The following F8 variants were observed in gnomAD, a reference collection of about 807,000 sequenced individuals.
F8 encodes coagulation factor VIII, also known as antihemophilic factor.
F8 carries 12 observed loss-of-function variants against 140.6 expected under a neutral mutation model. That is an observed-to-expected ratio of 0.09 (90% confidence interval 0.05 to 0.14). F8 has a LOEUF of 0.14. Among genes scored for constraint, F8 ranks in the 10% least tolerant of loss-of-function variants. F8 has a pLI of 1.00. For synonymous variants in F8, 585 were observed against 614.6 expected (o/e 0.95, Z 0.71); for missense variants, 1,354 against 1,720.7 (o/e 0.79, Z 3.77).
At chrX:154,974,493 T>A (rs1220414290) in intron 6 of F8, among the ~76,000 whole-genome samples, 1 of 112,252 alleles carries the variant, frequency 8.9e-6, no homozygotes, top group Non-Finnish European at 1.9e-5. Flanking sequence ...GATCTTTTAA[T>A]GTGCTGTTGA....
At chrX:154,944,586 T>A (rs1391605876) in intron 13 of F8, among the ~76,000 whole-genome samples, 2 of 110,833 alleles carry the variant, frequency 1.8e-5, no homozygotes, top group Non-Finnish European at 3.8e-5. Context: ...TGTAAACTAG[T>A]TCAACCATTG....
intron 2 of F8, among the ~76,000 whole-genome samples, chrX:154,998,229 T>C (rs1259655852): frequency 8.9e-6 from 1 of 112,804 alleles, no homozygotes; most frequent in Non-Finnish European, 1.9e-5. Flanking sequence ...CAATTGCAAG[T>C]TCCCTTCCTT....
intron 1 of F8, among the ~76,000 whole-genome samples, chrX:155,019,304 T>C (rs1471183769): frequency 3.6e-5 from 4 of 112,498 alleles, no homozygotes; most frequent in Non-Finnish European, 7.5e-5. Flanking sequence ...TTCACTTTCA[T>C]TGTTATTATT....
chrX:154,862,478 C>T (rs1254387199), intron 23 of F8, among the ~76,000 whole-genome samples: 5 of 111,172 alleles, frequency 4.5e-5, no homozygotes, highest in African/African-American at 1.6e-4. Context: ...GTCACTGAGG[C>T]TTGGTGTATG....
At chrX:154,842,309 C>T (rs989049077) in intron 25 of F8, among the ~76,000 whole-genome samples, 1 of 111,037 alleles carries the variant, frequency 9.0e-6, no homozygotes, top group Non-Finnish European at 1.9e-5. Flanking sequence ...TTTCTTTATT[C>T]TCTCTATTGT....
chrX:155,015,358 C>A (rs782076618), intron 1 of F8, among the ~76,000 whole-genome samples: 1 of 111,835 alleles, frequency 8.9e-6, no homozygotes, highest in Non-Finnish European at 1.9e-5. Context: ...TTGGACTTAA[C>A]TACAACTATA....
intron 1 of F8, among the ~76,000 whole-genome samples, chrX:155,002,201 A>G (rs1274294842): frequency 4.4e-5 from 5 of 112,695 alleles, no homozygotes; most frequent in Non-Finnish European, 9.4e-5. Context: ...GTGTGTATAT[A>G]CCACATTTAG....
chrX:154,877,322 C>A (rs2072824273), intron 22 of F8, among the ~76,000 whole-genome samples: 1 of 110,864 alleles, frequency 9.0e-6, no homozygotes, highest in Non-Finnish European at 1.9e-5. Context: ...TCACAAGAGG[C>A]CTTGAAAGTG....
intron 10 of F8, among the ~76,000 whole-genome samples, chrX:154,958,899 A>G (rs919784014): frequency 9.0e-6 from 1 of 111,681 alleles, no homozygotes; most frequent in African/African-American, 3.3e-5. Flanking sequence ...TACAGGCGTG[A>G]GCCACCGCAC....
intron 22 of F8, among the ~76,000 whole-genome samples, chrX:154,895,422 C>T (rs2072973726): frequency 8.9e-6 from 1 of 111,845 alleles, no homozygotes; most frequent in Non-Finnish European, 1.9e-5. Flanking sequence ...CAGCTTTTAT[C>T]GGAGAACAGA....
chrX:154,860,727 T>C (rs879982957), intron 24 of F8, 119 bp from the exon 25 acceptor site: 1 of 677,936 alleles, frequency 1.5e-6, no homozygotes. Context: ...TGAGACGGAG[T>C]CTTGCTCTGT....
Position 154,903,924 on chromosome X carries a change from G to T in F8, c.5980C>A (p.Leu1994Met). Reference sequence around the variant, plus strand: ...CTCATACCTGGATAGAGATTGTACAGTGCCATTTTATACTCCTCTTTTTTT... The same window carrying T: ...CTCATACCTGGATAGAGATTGTACATTGCCATTTTATACTCCTCTTTTTTT... Reference protein sequence around the residue: ...VRKKEEYKMALYNLYPGVFET... With the variant: ...VRKKEEYKMAMYNLYPGVFET... Residue 1994 changes from leucine (L) to methionine (M), a missense_variant, in exon 18 of 26, where the codon CTG (leucine) becomes ATG (methionine). Leu to Met is a conservative substitution (Grantham distance 15). Around this residue, in one of 4 missense-constraint regions of F8, gnomAD observed 316 missense variants for 485.4 expected, o/e 0.65. Transcript: ENST00000360256. 3 of 1,209,951 alleles carry T rather than the reference G, an allele frequency of 2.5e-6. No homozygotes were observed. Among genetic ancestry groups the T allele is most frequent in the Non-Finnish European group, 3.4e-6 (3 of 894,078 alleles).
In F8 at chrX:154,969,500, G is replaced by T; in HGVS notation, c.840C>A (p.Gly280=). ...KSVYWHVIGM[G]TTPEVHSIFL... The stretch of plus-strand genomic sequence containing the variant: ...ATATTGAGTGCACTTCAGGAGTGGT[G>T]CCCATTCCAATCACATGCCAATAGA... The change falls in exon 7 of 26, where the codon GGC becomes GGA. Residue 280 remains glycine (G), a synonymous_variant. Coordinates refer to ENST00000360256, the MANE Select transcript of F8 (RefSeq NM_000132.4). 4 of 1,211,369 alleles carry T rather than the reference G, an allele frequency of 3.3e-6. No individual in the cohort carries two copies. The highest frequency in any genetic ancestry group is 3.5e-5 in the South Asian group (2 of 56,993).
intron 8 of F8, 110 bp downstream of exon 8, chrX:154,966,316 A>C: frequency 9.8e-7 from 1 of 1,019,939 alleles, no homozygotes; most frequent in South Asian, 2.2e-5. Context: ...ATTTGATTCC[A>C]TACCTGTACC....
chrX:154,983,002 G>C (rs2073537761), intron 6 of F8, among the ~76,000 whole-genome samples: 1 of 112,379 alleles, frequency 8.9e-6, no homozygotes, highest in South Asian at 3.6e-4. Flanking sequence ...CTTGAATTTG[G>C]AGGGAGTCAA....
chrX:154,941,368 A>G (rs1291845471), intron 13 of F8, among the ~76,000 whole-genome samples: 2 of 111,681 alleles, frequency 1.8e-5, no homozygotes, highest in Non-Finnish European at 3.8e-5. Flanking sequence ...TTGCAATCCT[A>G]GTCTCTGATA....
rs782645530 is a variant in F8, at chrX:154,844,805, C to G, written c.6901-7053G>C. Among the ~76,000 whole-genome samples the G allele has an allele frequency of 1.3e-4, 14 of 110,345 alleles. No individual in the cohort carries two copies. The South Asian group carries it at 4.7e-3, about 37-fold the overall frequency. On this transcript the variant is annotated intron_variant, in intron 25 of 25. Coordinates refer to ENST00000360256, the MANE Select transcript of F8 (RefSeq NM_000132.4). ...TATTTCTTTCTCCTGCCTGATTGCC[C>G]TGGCCAGAACTTCCAACACTATGTT...
chrX:154,979,046 C>A (rs1557283276), intron 6 of F8, among the ~76,000 whole-genome samples: 1 of 111,063 alleles, frequency 9.0e-6, no homozygotes, highest in Non-Finnish European at 1.9e-5. Context: ...TAGGTCCAGG[C>A]AGGTTGATTT....
intron 1 of F8, among the ~76,000 whole-genome samples, chrX:155,021,823 A>G (rs1453255552): frequency 8.9e-6 from 1 of 111,798 alleles, no homozygotes; most frequent in Non-Finnish European, 1.9e-5. Context: ...ATATACCAAT[A>G]TTTACTGAAG....
Sources: allele counts gnomAD v4.1 joint callset (sites outside exome capture counted in the v4.1 genomes callset), GRCh38; gene constraint gnomAD v4.1.1; regional missense constraint gnomAD v4.1.1; transcripts MANE v1.5; gene names NCBI Gene and HGNC (gene_info 2026-07-23, HGNC 2026-07-21).